The following TMEM108 variants were observed in gnomAD, a reference collection of about 807,000 sequenced individuals.
The protein encoded by TMEM108 is cancer/testis antigen 124.
A neutral mutation model predicts 35.1 loss-of-function variants in TMEM108; 12 were observed. The ratio of observed to expected loss-of-function variants is 0.34; its 90% CI spans 0.22 to 0.55. TMEM108 has a LOEUF of 0.55. Among genes scored for constraint, TMEM108 ranks in the 20% least tolerant of loss-of-function variants. The probability of loss-of-function intolerance (pLI) is 0.89; values close to 1 mark genes in which losing one functional copy is unlikely to be tolerated. For synonymous variants in TMEM108, 287 were observed against 308.6 expected, an observed-to-expected ratio of 0.93 and a Z score of 0.73; for missense variants, 680 against 753.3, an observed-to-expected ratio of 0.90 and a Z score of 1.14.
At chr3:133,227,295 G>A (rs1230958583) in intron 2 of TMEM108, among the ~76,000 whole-genome samples, 15 of 141,306 alleles carry the variant, frequency 1.1e-4, no homozygotes, top group Non-Finnish European at 1.8e-4. Context: ...TGGGGTTCAC[G>A]CCATTCTCCT....
At chr3:133,106,516 A>G (rs1338152678) in intron 2 of TMEM108, among the ~76,000 whole-genome samples, 1 of 152,196 alleles carries the variant, frequency 6.6e-6, no homozygotes, top group African/African-American at 2.4e-5. Flanking sequence ...CATGATCCCC[A>G]GCTACTGGTA....
In TMEM108 at chr3:133,350,503, A is replaced by G. The variant is rs534430444; in HGVS notation, c.41-29249A>G. Among the ~76,000 whole-genome samples the G allele has an allele frequency of 4.7e-4, 71 of 152,312 alleles. No individual in the cohort carries two copies. The Middle Eastern group carries it at 0.014, about 29-fold the overall frequency. On this transcript the variant is annotated intron_variant, in intron 3 of 5. Transcript: ENST00000321871. ...TAGATATGCTAAATACCCTGATTTGATCATTATACAATGTAGATATTAACC... is the reference window on the plus strand; with the variant it reads ...TAGATATGCTAAATACCCTGATTTGGTCATTATACAATGTAGATATTAACC...
At chr3:133,341,760 G>T (rs902540232) in intron 3 of TMEM108, among the ~76,000 whole-genome samples, 1 of 151,688 alleles carries the variant, frequency 6.6e-6, no homozygotes, top group Non-Finnish European at 1.5e-5. Context: ...TTTGACAAAG[G>T]GGCCAGGAAC....
chr3:133,150,874 C>G (rs1332524736), intron 2 of TMEM108, among the ~76,000 whole-genome samples: 3 of 152,126 alleles, frequency 2.0e-5, no homozygotes, highest in Non-Finnish European at 4.4e-5. Flanking sequence ...TAATGCCTCC[C>G]CCATACTTTT....
At chr3:133,104,685 T>G (rs1239296844) in intron 2 of TMEM108, among the ~76,000 whole-genome samples, 1 of 152,220 alleles carries the variant, frequency 6.6e-6, no homozygotes, top group Admixed American at 6.5e-5. Context: ...CAGATCCCTT[T>G]GGTTCCCTGA....
Position 133,380,977 on chromosome 3 carries a change from A to G in TMEM108, c.1266A>G (p.Val422=). The G allele has an allele frequency of 1.9e-6, 3 of 1,614,196 alleles. No individual in the cohort carries two copies. Among genetic ancestry groups the G allele is most frequent in the Non-Finnish European group, 2.5e-6 (3 of 1,180,028 alleles). The change falls in exon 4 of 6, where the codon GTA becomes GTG. Residue 422 remains valine (V), a synonymous_variant. Transcript: ENST00000321871. This position sits in a 1 kb window ranked among gnomAD's most constrained non-coding sequence, Gnocchi z 5.3. Reference sequence around the variant, plus strand: ...TGCCCAGTCCTCTCTCCACAGTGGTATCCACAGCCACAGGCAATTTCCTCA... The same window carrying G: ...TGCCCAGTCCTCTCTCCACAGTGGTGTCCACAGCCACAGGCAATTTCCTCA... ...DRVPSPLSTV[V]STATGNFLNR...
At chr3:133,219,905 T>C (rs1442548385) in intron 2 of TMEM108, among the ~76,000 whole-genome samples, 3 of 152,158 alleles carry the variant, frequency 2.0e-5, no homozygotes, top group Non-Finnish European at 2.9e-5. Context: ...CCATCCATTG[T>C]TGAAAGTGGA....
intron 1 of TMEM108, among the ~76,000 whole-genome samples, chr3:133,039,602 CAT>C (rs1344478079): frequency 6.6e-6 from 1 of 152,200 alleles, no homozygotes; most frequent in Non-Finnish European, 1.5e-5. Context: ...CATAGGCAAA[CAT>C]AAAAAGTCCC....
intron 2 of TMEM108, among the ~76,000 whole-genome samples, chr3:133,119,723 T>C (rs1349493319): frequency 2.6e-5 from 4 of 152,298 alleles, no homozygotes; most frequent in Middle Eastern, 3.4e-3. Context: ...CTTGGCGATG[T>C]TTTATTAGCA....
intron 3 of TMEM108, among the ~76,000 whole-genome samples, chr3:133,312,286 T>C (rs1385951424): frequency 6.6e-6 from 1 of 152,260 alleles, no homozygotes; most frequent in Non-Finnish European, 1.5e-5. Flanking sequence ...CAGGGATGTT[T>C]AAGTCTGCAG....
chr3:133,289,708 AATC>A (rs1157261290), intron 3 of TMEM108, among the ~76,000 whole-genome samples: 1 of 152,168 alleles, frequency 6.6e-6, no homozygotes, highest in African/African-American at 2.4e-5. Context: ...TTAAGAATGA[AATC>A]ATTTTTCTCT....
At chr3:133,054,451 G>A (rs1277777490) in intron 2 of TMEM108, among the ~76,000 whole-genome samples, 1 of 152,164 alleles carries the variant, frequency 6.6e-6, no homozygotes, top group African/African-American at 2.4e-5. Context: ...TCTAAATGTT[G>A]AAAGACATTT....
chr3:133,273,667 T>C (rs973427872), intron 3 of TMEM108, among the ~76,000 whole-genome samples: 9 of 152,214 alleles, frequency 5.9e-5, no homozygotes, highest in South Asian at 2.1e-4. Flanking sequence ...TGTTTTAAAA[T>C]GTGCTGAGTA....
rs1378809880 is a variant in TMEM108 at position 133,379,909 on chromosome 3, G to A, written c.198G>A (p.Leu66=). 2 of 1,613,666 alleles carry A rather than the reference G, an allele frequency of 1.2e-6. No individual in the cohort carries two copies. The highest frequency in any genetic ancestry group is 1.7e-6 in the Non-Finnish European group (2 of 1,179,922). ...SSTRHTSVVM[L]TPNPDGPPSQ... is the part of the protein sequence containing the mutation. ...CCAGACATACTTCTGTGGTGATGCT[G>A]ACCCCCAATCCCGATGGACCCCCCT... Residue 66 remains leucine, a synonymous_variant, in exon 4 of 6, where the codon CTG becomes CTA. Coordinates refer to ENST00000321871, the MANE Select transcript of TMEM108 (RefSeq NM_023943.4).
chr3:133,214,377 C>T (rs1945876124), intron 2 of TMEM108, among the ~76,000 whole-genome samples: 1 of 152,192 alleles, frequency 6.6e-6, no homozygotes, highest in South Asian at 2.1e-4. Context: ...TTAGTCACTT[C>T]TGTCCTCCCC....
intron 2 of TMEM108, among the ~76,000 whole-genome samples, chr3:133,167,610 G>A (rs1481898043): frequency 6.6e-6 from 1 of 152,252 alleles, no homozygotes; most frequent in Non-Finnish European, 1.5e-5. Context: ...GGGACCTGGT[G>A]CACCCTCTGC....
chr3:133,056,151 C>A (rs1943463473), intron 2 of TMEM108, among the ~76,000 whole-genome samples: 1 of 120,496 alleles, frequency 8.3e-6, no homozygotes, highest in African/African-American at 3.5e-5. Flanking sequence ...ATGGTTCCCA[C>A]CTGGCTGCAG....
At chr3:133,296,032 T>TC (rs1472770945) in intron 3 of TMEM108, among the ~76,000 whole-genome samples, 1 of 152,058 alleles carries the variant, frequency 6.6e-6, no homozygotes, top group African/African-American at 2.4e-5. Flanking sequence ...TTGACTATTT[T>TC]CCCCCCAAAA....
chr3:133,121,389 A>G (rs2107734464), intron 2 of TMEM108, among the ~76,000 whole-genome samples: 1 of 152,336 alleles, frequency 6.6e-6, no homozygotes, highest in Middle Eastern at 3.4e-3. Flanking sequence ...AATATCTAGA[A>G]TATGCTCTTG....
Sources: gnomAD v4.1 joint callset for allele counts (sites outside exome capture counted in the v4.1 genomes callset) on GRCh38, gnomAD v4.1.1 for gene constraint, Gnocchi (gnomAD v3.1) non-coding constraint, MANE v1.5 for transcripts, NCBI Gene and HGNC (gene_info 2026-07-23, HGNC 2026-07-21) for gene names.